The following CTNNA3 variants were observed in gnomAD, a reference collection of about 807,000 sequenced individuals.
CTNNA3 encodes catenin alpha-3.
Under a neutral mutation model 95.7 loss-of-function variants are expected in CTNNA3, and 76 were observed. The ratio of observed to expected loss-of-function variants is 0.79; its 90% CI spans 0.66 to 0.96. The LOEUF is 0.96. Ranked by LOEUF, CTNNA3 falls within the 40% of genes least tolerant of loss-of-function variation. The pLI is 0.00. For synonymous variants in CTNNA3, 431 were observed against 374.4 expected, an observed-to-expected ratio of 1.15 and a Z score of -1.74; for missense variants, 1,191 against 1,089.8, an observed-to-expected ratio of 1.09 and a Z score of -1.31.
At chr10:67,306,998 G>C (rs1840579914) in intron 5 of CTNNA3, among the ~76,000 whole-genome samples, 1 of 152,088 alleles carries the variant, frequency 6.6e-6, no homozygotes, top group Non-Finnish European at 1.5e-5. Flanking sequence ...AAAAAGGAAG[G>C]AAGATACAAA....
At chr10:66,057,954 A>C (rs1186111284) in intron 15 of CTNNA3, among the ~76,000 whole-genome samples, 2 of 152,170 alleles carry the variant, frequency 1.3e-5, no homozygotes, top group African/African-American at 4.8e-5. Flanking sequence ...TAATGTAAAA[A>C]ATGGACTTCT....
Position 65,912,840 on chromosome 10 carries a change from ATACTT to A in CTNNA3, c.*7485_*7489del, listed in dbSNP as rs2076960692. The stretch of plus-strand genomic sequence containing the variant: ...ATTTCATTTTTATTGATTGGCAAAA[ATACTT>A]TAAGGATAAATATGGACCAGAAAGG... On this transcript the variant is annotated 3_prime_UTR_variant, in exon 18 of 18. Coordinates refer to ENST00000433211, the MANE Select transcript of CTNNA3 (RefSeq NM_013266.4). The A allele has an allele frequency of 6.6e-6, 1 of 152,170 alleles. No homozygotes were observed. The allele number at this position is 152,170 out of a possible 1,614,324, so 9.4% of individuals were successfully genotyped here.
chr10:67,082,621 C>T (rs1464070943), intron 7 of CTNNA3, among the ~76,000 whole-genome samples: 5 of 152,056 alleles, frequency 3.3e-5, no homozygotes, highest in African/African-American at 7.2e-5. Flanking sequence ...TCAGCTGGCC[C>T]GCAGGAGAAA....
At chr10:66,294,992 T>A (rs912676063) in intron 12 of CTNNA3, among the ~76,000 whole-genome samples, 2 of 152,080 alleles carry the variant, frequency 1.3e-5, no homozygotes, top group Non-Finnish European at 2.9e-5. Flanking sequence ...ATTAGGCTAA[T>A]TTCCCTATAG....
At chr10:67,038,212 ATTATT>A (rs1225968829) in intron 7 of CTNNA3, among the ~76,000 whole-genome samples, 1 of 152,114 alleles carries the variant, frequency 6.6e-6, no homozygotes, top group African/African-American at 2.4e-5. Flanking sequence ...AATATATTGT[ATTATT>A]TTATTGTTGT....
intron 7 of CTNNA3, among the ~76,000 whole-genome samples, chr10:67,112,469 T>G (rs1268799890): frequency 6.6e-6 from 1 of 152,166 alleles, no homozygotes; most frequent in Non-Finnish European, 1.5e-5. Context: ...GTGGATCTTG[T>G]CAGCACTTAT....
At chr10:67,324,919 T>C (rs1465950732) in intron 5 of CTNNA3, among the ~76,000 whole-genome samples, 1 of 152,102 alleles carries the variant, frequency 6.6e-6, no homozygotes, top group Non-Finnish European at 1.5e-5. Context: ...ATTTCAGAAC[T>C]CATTATTGAT....
At chr10:66,718,323 C>T (rs555310613) in intron 9 of CTNNA3, among the ~76,000 whole-genome samples, 1 of 152,166 alleles carries the variant, frequency 6.6e-6, no homozygotes, top group Non-Finnish European at 1.5e-5. Flanking sequence ...CAGGCATCAC[C>T]TATCAAACAA....
In CTNNA3 at chr10:66,394,864, C is replaced by T. The variant is rs188573042; in HGVS notation, c.1532-15512G>A. Among the ~76,000 whole-genome samples the T allele has an allele frequency of 1.9e-4, 29 of 152,042 alleles. 1 individual carries two copies. Among genetic ancestry groups the T allele is most frequent in the Non-Finnish European group, 3.8e-4 (26 of 67,928 alleles). On this transcript the variant is annotated intron_variant, in intron 11 of 17. Coordinates refer to ENST00000433211, the MANE Select transcript of CTNNA3 (RefSeq NM_013266.4). ...ATCCCAGTACTGTTTAAAATAACCCCCTAGAGGTATATGACACATATAGCA... is the reference window on the plus strand; with the variant it reads ...ATCCCAGTACTGTTTAAAATAACCCTCTAGAGGTATATGACACATATAGCA...
intron 11 of CTNNA3, among the ~76,000 whole-genome samples, chr10:66,513,707 G>T (rs72637082): frequency 0.072 from 10,980 of 152,214 alleles, 705 homozygotes; most frequent in East Asian, 0.31. Flanking sequence ...AGGCCCCTGG[G>T]CATTGTGTGC....
chr10:66,672,458 GA>G (rs555817389), intron 9 of CTNNA3, among the ~76,000 whole-genome samples: 167 of 152,082 alleles, frequency 1.1e-3, no homozygotes, highest in African/African-American at 4.0e-3. Flanking sequence ...AAAAATTAGG[GA>G]AAAAAGATGA....
At chr10:66,399,649 T>C (rs189108147) in intron 11 of CTNNA3, among the ~76,000 whole-genome samples, 1 of 152,112 alleles carries the variant, frequency 6.6e-6, no homozygotes. Flanking sequence ...CTTATCCTAC[T>C]ATACAGATCT....
At chr10:67,264,449 C>T (rs1866737534) in intron 5 of CTNNA3, among the ~76,000 whole-genome samples, 1 of 152,152 alleles carries the variant, frequency 6.6e-6, no homozygotes, top group Non-Finnish European at 1.5e-5. Flanking sequence ...CACCTATTTA[C>T]AGTTAGGAAA....
intron 7 of CTNNA3, among the ~76,000 whole-genome samples, chr10:66,938,710 T>C (rs1847848549): frequency 6.6e-6 from 1 of 152,200 alleles, no homozygotes; most frequent in Non-Finnish European, 1.5e-5. Flanking sequence ...CATGTTCTGA[T>C]TTAAATTGCT....
chr10:67,247,265 T>G lies in CTNNA3; in HGVS notation c.580-27395A>C, dbSNP rs10997593. Reference sequence around the variant, plus strand: ...GTGTTAAAAATCCTAAGGAGTACACTCCCCGCTGAAAACAGTAGAGCTAAT... The same window carrying G: ...GTGTTAAAAATCCTAAGGAGTACACGCCCCGCTGAAAACAGTAGAGCTAAT... On this transcript the variant is annotated intron_variant, in intron 5 of 17. Transcript: ENST00000433211. Among the ~76,000 whole-genome samples, 9 of 152,158 alleles carry G rather than the reference T, an allele frequency of 5.9e-5. No individual in the cohort carries two copies. In the East Asian group the frequency reaches 1.5e-3, roughly 26 times the overall value.
chr10:67,420,491 C>A (rs1845709484), intron 5 of CTNNA3, among the ~76,000 whole-genome samples: 1 of 152,152 alleles, frequency 6.6e-6, no homozygotes, highest in Non-Finnish European at 1.5e-5. Context: ...AGTACTTTAA[C>A]CTCTCTGAAC....
intron 9 of CTNNA3, among the ~76,000 whole-genome samples, chr10:66,622,309 C>T (rs1257483169): frequency 6.6e-6 from 1 of 152,078 alleles, no homozygotes; most frequent in Admixed American, 6.6e-5. Context: ...CTTGATTTTC[C>T]ACTACAACTT....
chr10:66,389,105 A>G (rs1564920368), intron 11 of CTNNA3, among the ~76,000 whole-genome samples: 1 of 152,148 alleles, frequency 6.6e-6, no homozygotes, highest in Non-Finnish European at 1.5e-5. Context: ...AAAATGCCAA[A>G]TACCTTGTAT....
chr10:66,430,992 G>A (rs2093290016), intron 11 of CTNNA3, among the ~76,000 whole-genome samples: 1 of 151,752 alleles, frequency 6.6e-6, no homozygotes, highest in Non-Finnish European at 1.5e-5. Context: ...GAAAATTTTT[G>A]CAAACTACTC....
Sources: gnomAD v4.1 joint callset for allele counts (sites outside exome capture counted in the v4.1 genomes callset) on GRCh38, gnomAD v4.1.1 for gene constraint, MANE v1.5 for transcripts, NCBI Gene and HGNC (gene_info 2026-07-23, HGNC 2026-07-21) for gene names.